ATXN1: variants seen among roughly 807,000 people sequenced by gnomAD.
ATXN1 encodes the protein ataxin-1.
Under a neutral mutation model 56.4 loss-of-function variants are expected in ATXN1, and 8 were observed. The observed-to-expected ratio is 0.14, with a 90% CI of 0.08 to 0.26. ATXN1 has a LOEUF of 0.26. Among genes scored for constraint, ATXN1 ranks in the 10% least tolerant of loss-of-function variants. The pLI is 1.00. For synonymous variants in ATXN1, 514 were observed against 494.6 expected, an observed-to-expected ratio of 1.04 and a Z score of -0.52; for missense variants, 987 against 1,106.5, an observed-to-expected ratio of 0.89 and a Z score of 1.53.
At chr6:16,701,985 T>C (rs1759295166) in intron 2 of ATXN1, among the ~76,000 whole-genome samples, 1 of 152,116 alleles carries the variant, frequency 6.6e-6, no homozygotes, top group African/African-American at 2.4e-5. Context: ...AAAAAACTAC[T>C]TTAAAGTTCA....
chr6:16,427,966 T>C (rs901287517), intron 6 of ATXN1, among the ~76,000 whole-genome samples: 46 of 152,288 alleles, frequency 3.0e-4, no homozygotes. Flanking sequence ...CACTCTTTTA[T>C]TATTGAGCTG....
intron 6 of ATXN1, among the ~76,000 whole-genome samples, chr6:16,353,961 C>T (rs1761631956): frequency 6.6e-6 from 1 of 152,114 alleles, no homozygotes; most frequent in Non-Finnish European, 1.5e-5. Context: ...TTTGGTGATT[C>T]TGATTGGCAG....
At chr6:16,348,388 T>A (rs1249640061) in intron 6 of ATXN1, among the ~76,000 whole-genome samples, 1 of 152,150 alleles carries the variant, frequency 6.6e-6, no homozygotes, top group South Asian at 2.1e-4. Flanking sequence ...AAGCTTTGAT[T>A]TCCTCTTTAA....
intron 6 of ATXN1, among the ~76,000 whole-genome samples, chr6:16,389,288 G>C (rs948424395): frequency 1.1e-4 from 15 of 140,806 alleles, no homozygotes; most frequent in African/African-American, 3.1e-4. Context: ...AGTGAGTGGA[G>C]ATGGCGCCAC....
At chr6:16,644,469 C>G (rs1763765725) in intron 3 of ATXN1, among the ~76,000 whole-genome samples, 1 of 144,192 alleles carries the variant, frequency 6.9e-6, no homozygotes, top group Admixed American at 7.0e-5. Flanking sequence ...GAGCTGAGAT[C>G]ATGCCACTGC....
chr6:16,652,376 G>A (rs1025670360), intron 3 of ATXN1, among the ~76,000 whole-genome samples: 1 of 152,098 alleles, frequency 6.6e-6, no homozygotes, highest in Admixed American at 6.5e-5. Flanking sequence ...GATGCCTCAC[G>A]GTAAACGATA....
intron 6 of ATXN1, among the ~76,000 whole-genome samples, chr6:16,345,726 G>C (rs1208857823): frequency 6.6e-6 from 1 of 152,160 alleles, no homozygotes; most frequent in African/African-American, 2.4e-5. Flanking sequence ...GTTGTTTCCA[G>C]TCACTAGCAA....
At chr6:16,584,663 T>C (rs1170617289) in intron 4 of ATXN1, among the ~76,000 whole-genome samples, 4 of 144,740 alleles carry the variant, frequency 2.8e-5, no homozygotes, top group African/African-American at 8.2e-5. Context: ...CCAAAATACA[T>C]GGAAACACCA....
intron 4 of ATXN1, among the ~76,000 whole-genome samples, chr6:16,575,717 A>G (rs572618565): frequency 1.3e-5 from 2 of 152,328 alleles, no homozygotes; most frequent in African/African-American, 4.8e-5. Context: ...CCTAGTTAGA[A>G]GAGACCTACA....
At chr6:16,683,329 G>C (rs1160512810) in intron 2 of ATXN1, among the ~76,000 whole-genome samples, 1 of 152,200 alleles carries the variant, frequency 6.6e-6, no homozygotes, top group African/African-American at 2.4e-5. Flanking sequence ...ACAGCCCTGA[G>C]CTTCTCCATG....
intron 6 of ATXN1, among the ~76,000 whole-genome samples, chr6:16,402,008 G>C (rs901740497): frequency 2.0e-5 from 3 of 152,178 alleles, no homozygotes; most frequent in Non-Finnish European, 2.9e-5. Flanking sequence ...AAAAATGAGA[G>C]AGAGCTTATG....
chr6:16,464,276 C>T (rs145303721), intron 6 of ATXN1, among the ~76,000 whole-genome samples: 198 of 152,246 alleles, frequency 1.3e-3, no homozygotes, highest in African/African-American at 4.3e-3. Flanking sequence ...CTCTGTAAAA[C>T]GCACCAATTA....
At chr6:16,554,059 C>A (rs1761968318) in intron 4 of ATXN1, among the ~76,000 whole-genome samples, 1 of 152,186 alleles carries the variant, frequency 6.6e-6, no homozygotes, top group African/African-American at 2.4e-5. Context: ...AAGAAGATAT[C>A]TTTTATGACA....
intron 5 of ATXN1, among the ~76,000 whole-genome samples, chr6:16,512,230 C>T (rs916118226): frequency 1.3e-5 from 2 of 152,218 alleles, no homozygotes; most frequent in Non-Finnish European, 2.9e-5. Flanking sequence ...CACAGTTCTT[C>T]TTCCTCAGAA....
chr6:16,460,735 C>A (rs142698360), intron 6 of ATXN1, among the ~76,000 whole-genome samples: 2 of 152,208 alleles, frequency 1.3e-5, no homozygotes, highest in East Asian at 3.9e-4. Flanking sequence ...ACCTATATAC[C>A]GATGGAAGTT....
rs1388135371 is a variant in ATXN1 at position 16,328,417 on chromosome 6, T to C, written c.-107A>G. Reference sequence around the variant, plus strand: ...TGATTTCTGTAGGGGATCCAGGCTCTTCATGAGGAATCATCTCCCCGTGGG... The same window carrying C: ...TGATTTCTGTAGGGGATCCAGGCTCCTCATGAGGAATCATCTCCCCGTGGG... On this transcript the variant is annotated 5_prime_UTR_variant, in exon 7 of 8. Coordinates refer to ENST00000436367, the MANE Select transcript of ATXN1 (RefSeq NM_001128164.2). The surrounding 1 kb of genome is among the most constrained non-coding windows in gnomAD (Gnocchi z 6.2). The C allele has an allele frequency of 1.5e-6, 2 of 1,359,204 alleles. No individual in the cohort carries two copies. The highest frequency in any genetic ancestry group is 2.2e-5 in the South Asian group (1 of 46,502). The allele number at this position is 1,359,204 out of a possible 1,614,324, so 84.2% of individuals were successfully genotyped here.
At chr6:16,469,230 G>T (rs1242975558) in intron 6 of ATXN1, among the ~76,000 whole-genome samples, 1 of 152,202 alleles carries the variant, frequency 6.6e-6, no homozygotes, top group Non-Finnish European at 1.5e-5. Context: ...AATTATACAA[G>T]AGTCTTGCCC....
intron 6 of ATXN1, among the ~76,000 whole-genome samples, chr6:16,348,796 GC>G (rs1761502574): frequency 6.6e-6 from 1 of 152,260 alleles, no homozygotes; most frequent in Admixed American, 6.5e-5. Flanking sequence ...AGGCAGTAGT[GC>G]CTCAAAAAAT....
intron 5 of ATXN1, among the ~76,000 whole-genome samples, chr6:16,516,059 G>C (rs188536384): frequency 5.9e-5 from 9 of 152,268 alleles, no homozygotes; most frequent in African/African-American, 2.2e-4. Context: ...GGCAGGCCGG[G>C]GCTTTAGCGT....
Sources: gnomAD v4.1 joint callset for allele counts (sites outside exome capture counted in the v4.1 genomes callset) on GRCh38, gnomAD v4.1.1 for gene constraint, Gnocchi (gnomAD v3.1) non-coding constraint, MANE v1.5 for transcripts, NCBI Gene and HGNC (gene_info 2026-07-23, HGNC 2026-07-21) for gene names.